Variants in PALM2AKAP2 observed in about 807,000 individuals in gnomAD.
PALM2AKAP2 encodes PALM2-AKAP2 fusion protein.
In PALM2AKAP2, 37 loss-of-function variants were observed where a neutral mutation model predicts 71.5. That is an observed-to-expected ratio of 0.52 (90% CI 0.40 to 0.68). The LOEUF is 0.68. Ranked by LOEUF, PALM2AKAP2 falls within the 30% of genes least tolerant of loss-of-function variation. The pLI is 0.00. For synonymous variants in PALM2AKAP2, 468 were observed against 478.8 expected, an observed-to-expected ratio of 0.98 and a Z score of 0.29; for missense variants, 1,224 against 1,191.8, an observed-to-expected ratio of 1.03 and a Z score of -0.40.
intron 1 of PALM2AKAP2, among the ~76,000 whole-genome samples, chr9:110,059,072 G>C (rs892152038): frequency 6.6e-6 from 1 of 151,964 alleles, no homozygotes; most frequent in Admixed American, 6.6e-5. Context: ...CGTAATTTTT[G>C]TATTTTGGGT....
At chr9:110,005,610 C>T (rs535101447) in intron 6 of PALM2AKAP2, among the ~76,000 whole-genome samples, 1 of 152,224 alleles carries the variant, frequency 6.6e-6, no homozygotes, top group East Asian at 1.9e-4. Context: ...TTTGGCTGTG[C>T]CCTGCCCCCA....
intron 1 of PALM2AKAP2, among the ~76,000 whole-genome samples, chr9:109,673,526 G>C (rs1222683195): frequency 6.6e-6 from 1 of 151,948 alleles, no homozygotes; most frequent in African/African-American, 2.4e-5. Flanking sequence ...TTATGTGACT[G>C]ATTTTAGAGT....
upstream of PALM2AKAP2, among the ~76,000 whole-genome samples, chr9:110,047,985 G>T (rs1206570885): frequency 6.6e-6 from 1 of 152,216 alleles, no homozygotes; most frequent in East Asian, 1.9e-4. Context: ...GGCTTTGTTA[G>T]CACACGCGCT....
At chr9:110,081,602 GA>G (rs71492871) in intron 1 of PALM2AKAP2, among the ~76,000 whole-genome samples, 8,676 of 152,212 alleles carry the variant, frequency 0.057, 317 homozygotes, top group Middle Eastern at 0.11. Flanking sequence ...AGGGCTAAAA[GA>G]ATTCTTAGAG....
chr9:109,809,054 G>T (rs147565317), intron 1 of PALM2AKAP2, among the ~76,000 whole-genome samples: 21 of 152,362 alleles, frequency 1.4e-4, no homozygotes, highest in African/African-American at 4.3e-4. Flanking sequence ...TGCTGCAGGG[G>T]TGGGGCCCTC....
intron 1 of PALM2AKAP2, among the ~76,000 whole-genome samples, chr9:109,758,239 A>G (rs1407038413): frequency 1.3e-5 from 2 of 152,138 alleles, no homozygotes; most frequent in African/African-American, 4.8e-5. Flanking sequence ...GTACTATTGT[A>G]TGATATACAA....
intron 7 of PALM2AKAP2, among the ~76,000 whole-genome samples, chr9:110,042,230 C>T (rs1417540041): frequency 6.6e-6 from 1 of 152,146 alleles, no homozygotes; most frequent in Non-Finnish European, 1.5e-5. Flanking sequence ...AGTTTGAGAC[C>T]AGCCTGATCA....
At chr9:109,721,887 A>T (rs1828410851) in intron 1 of PALM2AKAP2, among the ~76,000 whole-genome samples, 1 of 152,196 alleles carries the variant, frequency 6.6e-6, no homozygotes, top group Non-Finnish European at 1.5e-5. Context: ...TGTCATACCT[A>T]AATAATTATA....
intron 1 of PALM2AKAP2, among the ~76,000 whole-genome samples, chr9:109,647,762 A>G (rs1045204770): frequency 6.6e-6 from 1 of 152,380 alleles, no homozygotes; most frequent in African/African-American, 2.4e-5. Flanking sequence ...TTCAGAAGAC[A>G]GTGAAAATCA....
intron 1 of PALM2AKAP2, among the ~76,000 whole-genome samples, chr9:109,667,322 C>G (rs540049456): frequency 2.0e-5 from 3 of 152,070 alleles, no homozygotes; most frequent in African/African-American, 4.8e-5. Flanking sequence ...ATGACCTGAA[C>G]GAGTACCTAG....
intron 6 of PALM2AKAP2, among the ~76,000 whole-genome samples, chr9:109,998,520 C>T (rs1165475976): frequency 2.0e-5 from 3 of 151,780 alleles, no homozygotes; most frequent in African/African-American, 7.3e-5. Flanking sequence ...GGGCGCCTCA[C>T]CATGTCCTCT....
At chr9:109,758,580 A>G (rs906665376) in intron 1 of PALM2AKAP2, among the ~76,000 whole-genome samples, 12 of 150,442 alleles carry the variant, frequency 8.0e-5, no homozygotes, top group Non-Finnish European at 1.6e-4. Context: ...ATTTCTTTAA[A>G]TAATAATGTA....
chr9:110,071,095 C>T (rs914220361), intron 1 of PALM2AKAP2, among the ~76,000 whole-genome samples: 3 of 136,526 alleles, frequency 2.2e-5, no homozygotes, highest in African/African-American at 2.8e-5. Context: ...ACTCGAGAGG[C>T]GGAGGCTGCA....
intron 6 of PALM2AKAP2, among the ~76,000 whole-genome samples, chr9:109,961,864 G>T (rs1831857939): frequency 6.6e-6 from 1 of 152,248 alleles, no homozygotes. Flanking sequence ...TATTCCTGTG[G>T]GTACTAATGA....
chr9:110,168,272 C>T (rs1050639634), intron 3 of PALM2AKAP2, 127 bp from the exon 11 acceptor site: 31 of 1,166,546 alleles, frequency 2.7e-5, no homozygotes, highest in Non-Finnish European at 3.7e-5. Flanking sequence ...TCCTATCTCC[C>T]AGCAGTGCTT....
intron 1 of PALM2AKAP2, among the ~76,000 whole-genome samples, chr9:109,652,893 C>A (rs1293662446): frequency 1.3e-5 from 2 of 152,132 alleles, no homozygotes; most frequent in Non-Finnish European, 2.9e-5. Flanking sequence ...AGCCTTGGGG[C>A]AGGAGCCTAA....
chr9:109,915,648 G>C (rs1830669464), intron 3 of PALM2AKAP2, among the ~76,000 whole-genome samples: 1 of 152,114 alleles, frequency 6.6e-6, no homozygotes, highest in African/African-American at 2.4e-5. Context: ...TGAAGATTAA[G>C]TATTATAATG....
chr9:109,682,551 A>G (rs2146088), intron 1 of PALM2AKAP2, among the ~76,000 whole-genome samples: 55,930 of 152,036 alleles, frequency 0.37, 10,597 homozygotes, highest in Middle Eastern at 0.52. Context: ...GAAAGGACTT[A>G]ACCAAGGCCA....
intron 2 of PALM2AKAP2, among the ~76,000 whole-genome samples, chr9:109,868,037 TAAAAG>T (rs1038018015): frequency 1.3e-5 from 2 of 152,248 alleles, no homozygotes; most frequent in African/African-American, 4.8e-5. Context: ...TGTGATCTGA[TAAAAG>T]AACAACACTG....
Sources: allele counts gnomAD v4.1 joint callset (sites outside exome capture counted in the v4.1 genomes callset), GRCh38; gene constraint gnomAD v4.1.1; transcripts MANE v1.5; gene names NCBI Gene and HGNC (gene_info 2026-07-23, HGNC 2026-07-21).